The following MMP28 variants were observed in gnomAD, a reference collection of about 807,000 sequenced individuals.
MMP28 encodes matrix metallopeptidase 28, also known as matrix metalloproteinase-28.
In MMP28, 55 loss-of-function variants were observed where a neutral mutation model predicts 60.5. The observed-to-expected ratio is 0.91, with a 90% CI of 0.73 to 1.14. MMP28 has a LOEUF of 1.14. Among genes scored for constraint, MMP28 ranks in the 50% most tolerant of loss-of-function variants. The pLI is 0.00. For missense variants in MMP28, 686 were observed against 738.3 expected (o/e 0.93, Z 0.82); for synonymous variants, 318 against 312.5 (o/e 1.02, Z -0.18).
intron 3 of MMP28, among the ~76,000 whole-genome samples, chr17:35,774,421 C>T (rs1019679876): frequency 4.6e-5 from 7 of 152,186 alleles, no homozygotes; most frequent in African/African-American, 1.4e-4. Flanking sequence ...GCCCAGGGTC[C>T]CGGAATGAGT....
Position 35,758,353 on chromosome 17 carries a change from CT to C in MMP28, c.266-1935del, listed in dbSNP as rs1221624908. The C allele has an allele frequency of 2.6e-5, 4 of 152,268 alleles. No homozygotes were observed. In the East Asian group the frequency reaches 7.7e-4, roughly 29 times the overall value. The allele number at this position is 152,268 out of a possible 1,614,324, so 9.4% of individuals were successfully genotyped here. On this transcript the variant is annotated intron_variant, in intron 2 of 2. Transcript: ENST00000615317. ...GGGTTAGTGGGATTACCTGCTTGCTCTCATGTTTTCAATGAAGACTATACTA... is the reference window on the plus strand; with the variant it reads ...GGGTTAGTGGGATTACCTGCTTGCTCCATGTTTTCAATGAAGACTATACTA...
rs758475977 is a variant in MMP28, at chr17:35,770,196, C to G, written c.721G>C (p.Glu241Gln). 1.2e-6 allele frequency: 2 copies of G among 1,604,048 alleles called. No homozygotes were observed. Among genetic ancestry groups the G allele is most frequent in the African/African-American group, 2.7e-5 (2 of 74,962 alleles). The stretch of plus-strand genomic sequence containing the variant: ...GTGAGGCCAAGCGTGTGACCGATCT[C>G]GTGCGCCAGCACCACGAACAGGTTG... ...GRNLFVVLAH[E>Q]IGHTLGLTHS... The change falls in exon 5 of 8, where the codon GAG (glutamate) becomes CAG (glutamine). Residue 241 changes from glutamate to glutamine, a missense_variant. Transcript: ENST00000605424.
chr17:35,780,225 C>T (rs560202840), intron 1 of MMP28, among the ~76,000 whole-genome samples: 182 of 152,076 alleles, frequency 1.2e-3, no homozygotes, highest in Admixed American at 1.4e-3. Context: ...TGCACCACCA[C>T]GCCTGGGTAA....
rs938151190 is a variant in MMP28, at chr17:35,766,440, G to T, written c.*60C>A. 2.7e-6 allele frequency: 4 copies of T among 1,485,060 alleles called. No homozygotes were observed. The East Asian group carries it at 7.3e-5, about 27-fold the overall frequency. 92.0% of individuals were successfully genotyped at this position (1,485,060 alleles called of 1,614,324 possible). ...GCTTCTAAGAGGGGTTCTGCCCCGG[G>T]GGTGGGGAACATGATTTTGCCCTGA... is the stretch of plus-strand genomic sequence containing the variant. On this transcript the variant is annotated 3_prime_UTR_variant, in exon 8 of 8. Coordinates refer to ENST00000605424, the MANE Select transcript of MMP28 (RefSeq NM_024302.5). The surrounding 1 kb of genome is among the most constrained non-coding windows in gnomAD (Gnocchi z 4.3).
chr17:35,756,816 T>C lies in MMP28; in HGVS notation c.266-397A>G, dbSNP rs587685217. 7.9e-5 allele frequency among the ~76,000 whole-genome samples: 12 copies of C among 152,184 alleles called. No individual in the cohort carries two copies. The South Asian group carries it at 8.3e-4, about 11-fold the overall frequency. On this transcript the variant is annotated intron_variant, in intron 2 of 2. Transcript: ENST00000615317. ...CACTGGGCATGGTGGCTTTTCTATT[T>C]CCTAAGAGGACTCAGAATAAGTCAT...
chr17:35,789,738 G>T (rs1221382420), intron 1 of MMP28, among the ~76,000 whole-genome samples: 1 of 151,450 alleles, frequency 6.6e-6, no homozygotes, highest in Admixed American at 6.6e-5. Context: ...TTCTGTTTTG[G>T]TAAGAAAACA....
chr17:35,783,672 T>C (rs957316673), intron 1 of MMP28, among the ~76,000 whole-genome samples: 1 of 152,034 alleles, frequency 6.6e-6, no homozygotes, highest in Admixed American at 6.6e-5. Context: ...TCTGAAGCCT[T>C]GGACAGAGTG....
At chr17:35,794,812 A>G (rs1204226139) in intron 1 of MMP28, among the ~76,000 whole-genome samples, 1 of 152,144 alleles carries the variant, frequency 6.6e-6, no homozygotes, top group Non-Finnish European at 1.5e-5. Flanking sequence ...TGGCTTGCCC[A>G]AGCAGGTCAG....
downstream of MMP28, chr17:35,764,677 G>GA (rs377045482): frequency 5.0e-4 from 740 of 1,493,404 alleles, 3 homozygotes; most frequent in Middle Eastern, 8.2e-3. Flanking sequence ...ACCCCCTACC[G>GA]ACCTTCTCTC....
intron 1 of MMP28, among the ~76,000 whole-genome samples, chr17:35,786,047 C>A (rs1313638441): frequency 6.7e-6 from 1 of 150,244 alleles, no homozygotes; most frequent in Non-Finnish European, 1.5e-5. Flanking sequence ...GTGTAGTACT[C>A]ACCTTCTTGT....
chr17:35,781,649 C>T (rs1555609409), intron 1 of MMP28, among the ~76,000 whole-genome samples: 1 of 152,132 alleles, frequency 6.6e-6, no homozygotes, highest in Non-Finnish European at 1.5e-5. Flanking sequence ...CCCTGATTGC[C>T]CTTCTCACTG....
At chr17:35,764,373 C>A (rs782060058), downstream of MMP28, 110 of 1,457,482 alleles carry the variant, frequency 7.5e-5, no homozygotes, top group Middle Eastern at 2.4e-4. Flanking sequence ...GGTGCCCGGG[C>A]CCCAGGGAGG....
chr17:35,774,857 T>G (rs910857705), intron 3 of MMP28, among the ~76,000 whole-genome samples: 3 of 152,206 alleles, frequency 2.0e-5, no homozygotes, highest in Non-Finnish European at 4.4e-5. Flanking sequence ...GGGTTTGTGA[T>G]GTACCAGTCA....
chr17:35,786,540 T>C (rs2086652625), intron 1 of MMP28, among the ~76,000 whole-genome samples: 1 of 152,142 alleles, frequency 6.6e-6, no homozygotes, highest in Admixed American at 6.5e-5. Flanking sequence ...GTGCTTATCA[T>C]TCAAGTGTAT....
intron 3 of MMP28, among the ~76,000 whole-genome samples, chr17:35,775,671 G>C (rs149424474): frequency 6.6e-6 from 1 of 152,184 alleles, no homozygotes; most frequent in Non-Finnish European, 1.5e-5. Context: ...TTTTCCCATG[G>C]TAAGATGTGA....
At position 35,793,779 on chromosome 17, in the gene MMP28, G is replaced by A. The variant is rs571703810; in HGVS notation, c.111+1488C>T. Among the ~76,000 whole-genome samples, 11 of 152,310 alleles carry A rather than the reference G, an allele frequency of 7.2e-5. 1 individual carries two copies. The South Asian group carries it at 2.3e-3, about 32-fold the overall frequency. On this transcript the variant is annotated intron_variant, in intron 1 of 7. Transcript: ENST00000605424. ...AGAGGAGCAAGAGTCTCAGGGCAGA[G>A]CATTGGGCTCAGTAATTCAGAACCT...
Position 35,766,836 on chromosome 17 carries a change from G to A in MMP28, c.1227C>T (p.Cys409=), listed in dbSNP as rs1555603587. The A allele has an allele frequency of 1.3e-6, 2 of 1,576,974 alleles. No homozygotes were observed. Among genetic ancestry groups the A allele is most frequent in the Admixed American group, 1.8e-5 (1 of 54,962 alleles). The part of the protein sequence containing the change: ...PKPVWGLPQL[C]RAGGLPRHPD... ...GATGGCGGGGCAGGCCCCCTGCCCG[G>A]CACAGCTGTGGGAGACCCCACACTG... Residue 409 remains cysteine (C), a synonymous_variant, in exon 8 of 8, where the codon TGC becomes TGT. Transcript: ENST00000605424. The surrounding 1 kb of genome is among the most constrained non-coding windows in gnomAD (Gnocchi z 4.3).
chr17:35,772,221 C>A (rs2086179367), intron 4 of MMP28, among the ~76,000 whole-genome samples: 1 of 152,134 alleles, frequency 6.6e-6, no homozygotes, highest in Non-Finnish European at 1.5e-5. Context: ...GGAGAGAAGA[C>A]CACTATTCAA....
chr17:35,785,068 T>C (rs1555610168), intron 1 of MMP28, among the ~76,000 whole-genome samples: 1 of 152,118 alleles, frequency 6.6e-6, no homozygotes, highest in Non-Finnish European at 1.5e-5. Flanking sequence ...TGAAAGTCCC[T>C]GGGAGTGGCT....
Sources: gnomAD v4.1 joint callset for allele counts (sites outside exome capture counted in the v4.1 genomes callset) on GRCh38, gnomAD v4.1.1 for gene constraint, Gnocchi (gnomAD v3.1) non-coding constraint, MANE v1.5 for transcripts, NCBI Gene and HGNC (gene_info 2026-07-23, HGNC 2026-07-21) for gene names.